Variants in ARL13B observed in about 807,000 individuals in gnomAD.
The protein encoded by ARL13B is ADP-ribosylation factor-like protein 13B.
ARL13B carries 36 observed loss-of-function variants against 56.1 expected under a neutral mutation model. That is an observed-to-expected ratio of 0.64 (90% CI 0.49 to 0.85). The LOEUF (loss-of-function observed/expected upper bound fraction) is 0.85, where lower values mean the gene tolerates loss of function less well. ARL13B is among the 40% of genes least tolerant of loss of function. ARL13B has a pLI of 0.00. For missense variants in ARL13B, 519 were observed against 507.1 expected (o/e 1.02, Z -0.23); for synonymous variants, 178 against 171.1 (o/e 1.04, Z -0.32).
intron 1 of ARL13B, chr3:93,988,786 ATT>A (rs35677824): frequency 0.072 from 24,291 of 335,876 alleles, 1 homozygote; most frequent in South Asian, 0.12. Flanking sequence ...ATTTGTTTGC[ATT>A]TTTTTTTTTT....
chr3:93,981,854 C>G (rs924499179), intron 1 of ARL13B, among the ~76,000 whole-genome samples: 6 of 102,912 alleles, frequency 5.8e-5, no homozygotes, highest in African/African-American at 1.1e-4. Context: ...TGACACAGTG[C>G]AACCCTGTCT....
intron 3 of ARL13B, among the ~76,000 whole-genome samples, chr3:94,027,688 C>T (rs2076586296): frequency 6.6e-6 from 1 of 151,924 alleles, no homozygotes; most frequent in African/African-American, 2.4e-5. Flanking sequence ...AGTATCTAAC[C>T]TATCTACATA....
chr3:94,040,450 A>G (rs978949293), intron 6 of ARL13B, among the ~76,000 whole-genome samples: 5 of 152,188 alleles, frequency 3.3e-5, no homozygotes, highest in Admixed American at 6.5e-5. Flanking sequence ...AAATTCTCCT[A>G]TATCTGAATA....
At chr3:94,035,644 ATCTT>A (rs1255217172) in intron 4 of ARL13B, among the ~76,000 whole-genome samples, 1 of 152,196 alleles carries the variant, frequency 6.6e-6, no homozygotes, top group Non-Finnish European at 1.5e-5. Context: ...TCCATGAACT[ATCTT>A]TCCATGATTT....
At position 94,035,313 on chromosome 3, in the gene ARL13B, A is replaced by G. The variant is rs753037739; in HGVS notation, c.381-18A>G. ...AATTATATATATGCTGTATAAAAGT[A>G]CTTTAATTATCTTTCAGGTTGGCAA... On this transcript the variant is annotated intron_variant, in intron 3 of 9. Transcript: ENST00000394222. 2 of 1,504,678 alleles carry G rather than the reference A, an allele frequency of 1.3e-6. No homozygotes were observed. The highest frequency in any genetic ancestry group is 1.4e-5 in the African/African-American group (1 of 72,334). 93.2% of individuals were successfully genotyped at this position (1,504,678 alleles called of 1,614,324 possible). A position where few individuals can be genotyped will look rare whatever the true frequency, so the allele number is the denominator to read the frequency against.
At position 94,053,479 on chromosome 3, in the gene ARL13B, A is replaced by G. The variant is rs766125854; in HGVS notation, c.*216A>G. 21 of 664,376 alleles carry G rather than the reference A, an allele frequency of 3.2e-5. No individual in the cohort carries two copies. Among genetic ancestry groups the G allele is most frequent in the South Asian group, 3.0e-4 (20 of 66,406 alleles). The allele number at this position is 664,376 out of a possible 1,614,324, so 41.2% of individuals were successfully genotyped here. On this transcript the variant is annotated 3_prime_UTR_variant, in exon 10 of 10. Coordinates refer to ENST00000394222, the MANE Select transcript of ARL13B (RefSeq NM_001174150.2). ...AAGAAGCACAATGACCAGTACATGA[A>G]ATCAGCATTTGGACCAAATTAGCAA...
intron 1 of ARL13B, among the ~76,000 whole-genome samples, chr3:93,992,967 AT>A (rs137978294): frequency 4.0e-3 from 455 of 114,518 alleles, no homozygotes; most frequent in East Asian, 5.4e-3. Context: ...TAATTTTTGT[AT>A]TTTTTTTTTT....
intron 5 of ARL13B, among the ~76,000 whole-genome samples, chr3:94,038,884 T>C (rs947361718): frequency 2.0e-5 from 3 of 152,180 alleles, no homozygotes; most frequent in Non-Finnish European, 4.4e-5. Flanking sequence ...ATCACAGAGA[T>C]AGTAAATGTT....
At chr3:93,996,721 A>C (rs1454083023) in intron 2 of ARL13B, 1 of 355,278 alleles carries the variant, frequency 2.8e-6, no homozygotes, top group South Asian at 2.2e-5. Flanking sequence ...ACAATATAGC[A>C]GTATCTATGC....
intron 3 of ARL13B, among the ~76,000 whole-genome samples, chr3:94,024,244 G>A (rs2076509165): frequency 1.3e-5 from 2 of 152,144 alleles, no homozygotes; most frequent in Admixed American, 6.6e-5. Flanking sequence ...TAAAAATACA[G>A]CATATATAGC....
intron 1 of ARL13B, among the ~76,000 whole-genome samples, chr3:93,984,469 A>G (rs974387434): frequency 1.3e-5 from 2 of 152,142 alleles, no homozygotes; most frequent in African/African-American, 4.8e-5. Flanking sequence ...GGCTGAGGAG[A>G]AAGAGGAAGA....
At chr3:93,994,181 T>A (rs990774433) in intron 1 of ARL13B, among the ~76,000 whole-genome samples, 10 of 152,222 alleles carry the variant, frequency 6.6e-5, no homozygotes, top group Admixed American at 6.5e-4. Flanking sequence ...CCTGTCTTCC[T>A]ATTCTGCTCC....
chr3:93,993,743 AATTAT>A (rs2075917229), intron 1 of ARL13B, among the ~76,000 whole-genome samples: 1 of 152,216 alleles, frequency 6.6e-6, no homozygotes, highest in Non-Finnish European at 1.5e-5. Context: ...AAAATAATAA[AATTAT>A]ATTCTTAGTA....
chr3:93,983,208 T>G (rs560175045), intron 1 of ARL13B, among the ~76,000 whole-genome samples: 4 of 152,180 alleles, frequency 2.6e-5, no homozygotes, highest in Non-Finnish European at 5.9e-5. Flanking sequence ...AGCATATTAT[T>G]CCAGACATTG....
intron 1 of ARL13B, among the ~76,000 whole-genome samples, chr3:93,985,183 A>T (rs1024639541): frequency 2.4e-4 from 36 of 152,278 alleles, no homozygotes; most frequent in African/African-American, 8.4e-4. Flanking sequence ...CTGTTAATCT[A>T]TTGCAATCTA....
intron 3 of ARL13B, among the ~76,000 whole-genome samples, chr3:94,011,374 T>C (rs1001423030): frequency 6.6e-6 from 1 of 152,178 alleles, no homozygotes; most frequent in African/African-American, 2.4e-5. Context: ...TATCTTCTTA[T>C]CTTTCTTAGA....
At chr3:93,990,870 T>C (rs756867752) in intron 1 of ARL13B, among the ~76,000 whole-genome samples, 1 of 152,208 alleles carries the variant, frequency 6.6e-6, no homozygotes, top group Non-Finnish European at 1.5e-5. Context: ...CTTGCTTGAC[T>C]AACTTCTCAC....
chr3:94,029,336 TTA>T (rs1252875871), intron 3 of ARL13B, among the ~76,000 whole-genome samples: 10 of 47,142 alleles, frequency 2.1e-4, no homozygotes, highest in South Asian at 1.9e-3. Context: ...ATATATATAT[TTA>T]TTTTTTTTTT....
rs147684786 is a variant in ARL13B at position 94,006,022 on chromosome 3, C to T, written c.380+2114C>T. On this transcript the variant is annotated intron_variant, in intron 3 of 9. Transcript: ENST00000394222. ...TCATATAATAAATACAATTTTGAGCCGGGCACGGTGGCTCACGCCTGTAAT... is the reference window on the plus strand; with the variant it reads ...TCATATAATAAATACAATTTTGAGCTGGGCACGGTGGCTCACGCCTGTAAT... Among the ~76,000 whole-genome samples the T allele has an allele frequency of 6.3e-3, 962 of 152,176 alleles. 16 individuals carry two copies. The highest frequency in any genetic ancestry group is 0.022 in the African/African-American group (923 of 41,518).
Sources: gnomAD v4.1 joint callset for allele counts (sites outside exome capture counted in the v4.1 genomes callset) on GRCh38, gnomAD v4.1.1 for gene constraint, MANE v1.5 for transcripts, NCBI Gene and HGNC (gene_info 2026-07-23, HGNC 2026-07-21) for gene names.